Variants in FOXP1 observed in about 807,000 individuals in gnomAD.
FOXP1 encodes the protein forkhead box P1.
A neutral mutation model predicts 98.2 loss-of-function variants in FOXP1; 15 were observed. That is an observed-to-expected ratio of 0.15 (90% CI 0.10 to 0.24). The LOEUF (loss-of-function observed/expected upper bound fraction) is 0.24, where lower values mean the gene tolerates loss of function less well. Ranked by LOEUF, FOXP1 falls within the 10% of genes least tolerant of loss-of-function variation. The pLI, the probability that FOXP1 is intolerant of heterozygous loss-of-function variation, is 1.00. For missense variants in FOXP1, 633 were observed against 848.5 expected (o/e 0.75, Z 3.15); for synonymous variants, 371 against 314.5 (o/e 1.18, Z -1.90).
At chr3:71,530,545 T>C (rs1560613546) in intron 2 of FOXP1, among the ~76,000 whole-genome samples, 1 of 152,254 alleles carries the variant, frequency 6.6e-6, no homozygotes, top group Non-Finnish European at 1.5e-5. Context: ...GTAAGTGTTC[T>C]GTATGGAGAG....
intron 7 of FOXP1, among the ~76,000 whole-genome samples, chr3:71,088,292 C>T (rs1470098633): frequency 6.6e-6 from 1 of 152,344 alleles, no homozygotes; most frequent in Non-Finnish European, 1.5e-5. Flanking sequence ...CCCTGGCCAG[C>T]CAGTCAAACA....
intron 2 of FOXP1, among the ~76,000 whole-genome samples, chr3:71,504,085 C>A (rs1335017276): frequency 6.6e-6 from 1 of 152,174 alleles, no homozygotes; most frequent in Non-Finnish European, 1.5e-5. Flanking sequence ...AGTCAGTGAG[C>A]TTCTCGGAAC....
intron 3 of FOXP1, among the ~76,000 whole-genome samples, chr3:71,430,257 G>A (rs140462905): frequency 2.3e-4 from 35 of 152,310 alleles, no homozygotes; most frequent in African/African-American, 7.7e-4. Flanking sequence ...CAATCCGACG[G>A]TCCTTACTTA....
At position 71,015,667 on chromosome 3, in the gene FOXP1, C is replaced by T. The variant is rs780143319; in HGVS notation, c.870-14G>A. ...TCATGGGACAAACTGAAAGAAAACACACAGAAGACCAGAGAATGAATTTGC... is the reference window on the plus strand; with the variant it reads ...TCATGGGACAAACTGAAAGAAAACATACAGAAGACCAGAGAATGAATTTGC... On this transcript the variant is annotated splice_polypyrimidine_tract_variant and intron_variant, in intron 11 of 20. Transcript: ENST00000649528. 4.2e-5 allele frequency: 65 copies of T among 1,537,830 alleles called. No individual in the cohort carries two copies. The highest frequency in any genetic ancestry group is 5.8e-5 in the Non-Finnish European group (64 of 1,111,054).
At chr3:71,450,255 G>C (rs1216326905) in intron 3 of FOXP1, among the ~76,000 whole-genome samples, 1 of 152,172 alleles carries the variant, frequency 6.6e-6, no homozygotes, top group Non-Finnish European at 1.5e-5. Flanking sequence ...AAAAACTACA[G>C]GTGTTTCTGT....
intron 11 of FOXP1, among the ~76,000 whole-genome samples, chr3:71,017,613 C>T (rs1160258330): frequency 6.6e-6 from 1 of 151,730 alleles, no homozygotes; most frequent in Non-Finnish European, 1.5e-5. Context: ...TTCTCATGTT[C>T]TCAACTCATC....
At chr3:70,975,554 A>G (rs1217623529) in intron 17 of FOXP1, among the ~76,000 whole-genome samples, 3 of 152,254 alleles carry the variant, frequency 2.0e-5, no homozygotes, top group African/African-American at 7.2e-5. Flanking sequence ...CCGGTATAAA[A>G]TTAAGGAATT....
intron 3 of FOXP1, among the ~76,000 whole-genome samples, chr3:71,384,337 T>C (rs1048962170): frequency 7.2e-5 from 11 of 152,146 alleles, no homozygotes; most frequent in African/African-American, 2.4e-4. Context: ...GTGTGAGCTG[T>C]GTGGAAGGAA....
chr3:70,997,544 C>T (rs540870164), intron 13 of FOXP1, among the ~76,000 whole-genome samples: 1 of 152,164 alleles, frequency 6.6e-6, no homozygotes, highest in African/African-American at 2.4e-5. Context: ...CTAAAAATTG[C>T]TAACATTTTC....
intron 2 of FOXP1, among the ~76,000 whole-genome samples, chr3:71,513,874 A>G (rs1226869214): frequency 6.6e-6 from 1 of 152,170 alleles, no homozygotes; most frequent in Non-Finnish European, 1.5e-5. Flanking sequence ...AGCTCTACCT[A>G]TCACCGTCAC....
intron 10 of FOXP1, among the ~76,000 whole-genome samples, chr3:71,046,441 T>A (rs139161302): frequency 1.1e-4 from 17 of 152,330 alleles, no homozygotes; most frequent in African/African-American, 3.6e-4. Flanking sequence ...AAACAAAGTT[T>A]TCCTTTTTAT....
At chr3:71,432,786 T>A (rs886364180) in intron 3 of FOXP1, among the ~76,000 whole-genome samples, 1 of 144,718 alleles carries the variant, frequency 6.9e-6, no homozygotes, top group Non-Finnish European at 1.5e-5. Context: ...AGTGTGGAGC[T>A]CCTAAGTCAA....
At chr3:71,118,849 C>T (rs1225218980) in intron 6 of FOXP1, among the ~76,000 whole-genome samples, 1 of 152,122 alleles carries the variant, frequency 6.6e-6, no homozygotes, top group Non-Finnish European at 1.5e-5. Context: ...TAAGCTCATT[C>T]CCTTATATAT....
chr3:71,484,645 G>T (rs1450010064), intron 3 of FOXP1, among the ~76,000 whole-genome samples: 1 of 152,174 alleles, frequency 6.6e-6, no homozygotes, highest in Admixed American at 6.5e-5. Context: ...GGAAGGAGTT[G>T]TGACATGGTC....
chr3:71,110,291 TA>T (rs913234509), intron 7 of FOXP1, among the ~76,000 whole-genome samples: 5 of 152,048 alleles, frequency 3.3e-5, no homozygotes, highest in South Asian at 2.1e-4. Flanking sequence ...AATTCTACCA[TA>T]AAAAAAATCA....
At chr3:71,324,647 A>AG (rs1421602347) in intron 4 of FOXP1, among the ~76,000 whole-genome samples, 1 of 152,138 alleles carries the variant, frequency 6.6e-6, no homozygotes, top group Non-Finnish European at 1.5e-5. Context: ...GGATAGCATT[A>AG]GGAGATATAC....
At chr3:71,237,451 C>T (rs745715728) in intron 5 of FOXP1, among the ~76,000 whole-genome samples, 1 of 152,014 alleles carries the variant, frequency 6.6e-6, no homozygotes, top group East Asian at 1.9e-4. Context: ...GCTCAAGAGC[C>T]ACATCTGGCT....
At chr3:71,192,577 C>G (rs1440714821) in intron 6 of FOXP1, among the ~76,000 whole-genome samples, 1 of 152,236 alleles carries the variant, frequency 6.6e-6, no homozygotes. Flanking sequence ...AGCAATTTCA[C>G]TAACAAAAAC....
intron 13 of FOXP1, among the ~76,000 whole-genome samples, chr3:71,000,126 TG>T: frequency 6.6e-6 from 1 of 152,182 alleles, no homozygotes; most frequent in East Asian, 1.9e-4. Flanking sequence ...ATACCAAGAA[TG>T]GAATTATTGT....
Sources: gnomAD v4.1 joint callset for allele counts (sites outside exome capture counted in the v4.1 genomes callset) on GRCh38, gnomAD v4.1.1 for gene constraint, MANE v1.5 for transcripts, NCBI Gene and HGNC (gene_info 2026-07-23, HGNC 2026-07-21) for gene names.